TBL1X: variants seen among roughly 807,000 people sequenced by gnomAD.
TBL1X encodes F-box-like/WD repeat-containing protein TBL1X.
Under a neutral mutation model 50.7 loss-of-function variants are expected in TBL1X, and 10 were observed. The ratio of observed to expected loss-of-function variants is 0.20; its 90% CI spans 0.12 to 0.33. TBL1X has a LOEUF of 0.33. Ranked by LOEUF, TBL1X falls within the 10% of genes least tolerant of loss-of-function variation. The pLI, the probability that TBL1X is intolerant of heterozygous loss-of-function variation, is 1.00. For synonymous variants in TBL1X, 190 were observed against 214.7 expected, an observed-to-expected ratio of 0.88 and a Z score of 1.01; for missense variants, 340 against 504.4, an observed-to-expected ratio of 0.67 and a Z score of 3.12.
At chrX:9,502,567 G>A (rs12686963) in intron 2 of TBL1X, among the ~76,000 whole-genome samples, 15,575 of 111,767 alleles carry the variant, frequency 0.14, 834 homozygotes, top group South Asian at 0.29. Flanking sequence ...CAGCTGGCAA[G>A]GAGCAGAGCT....
At chrX:9,595,107 C>T (rs770972584) in intron 2 of TBL1X, among the ~76,000 whole-genome samples, 3 of 112,159 alleles carry the variant, frequency 2.7e-5, no homozygotes, top group East Asian at 2.8e-4. Context: ...GCAGAGCCAG[C>T]GCCACTGTGC....
intron 11 of TBL1X, 22 bp from the exon 12 acceptor site, chrX:9,697,347 T>C: frequency 8.3e-7 from 1 of 1,206,966 alleles, no homozygotes; most frequent in Non-Finnish European, 1.1e-6. Flanking sequence ...TACTAACTTT[T>C]TCCTTTGTTT....
In TBL1X at chrX:9,717,216, T is replaced by A. The variant is rs1424786194; in HGVS notation, c.*970T>A. ...GGGCTTTTTACAGGAGAAAAAAAAA[T>A]GACTTATAAGAGAAAGAGCCTGGAG... On this transcript the variant is annotated 3_prime_UTR_variant, in exon 18 of 18. Transcript: ENST00000645353. 4 of 109,126 alleles carry A rather than the reference T, an allele frequency of 3.7e-5. No individual in the cohort carries two copies. Among genetic ancestry groups the A allele is most frequent in the African/African-American group, 1.3e-4 (4 of 29,853 alleles). The allele number at this position is 109,126 out of a possible 1,213,427, so 9.0% of individuals were successfully genotyped here.
chrX:9,557,933 G>T (rs2082308227), intron 2 of TBL1X, among the ~76,000 whole-genome samples: 1 of 112,331 alleles, frequency 8.9e-6, no homozygotes, highest in South Asian at 3.6e-4. Context: ...AGTCAAATCT[G>T]TGAAACAATT....
intron 2 of TBL1X, among the ~76,000 whole-genome samples, chrX:9,561,093 A>G (rs1569056099): frequency 1.8e-5 from 2 of 111,716 alleles, no homozygotes; most frequent in Non-Finnish European, 1.9e-5. Flanking sequence ...TGTGTAGGCT[A>G]GAACAGAATT....
intron 1 of TBL1X, among the ~76,000 whole-genome samples, chrX:9,476,020 C>G (rs2081847614): frequency 8.9e-6 from 1 of 112,194 alleles, no homozygotes; most frequent in African/African-American, 3.2e-5. Flanking sequence ...TCATCAGAAT[C>G]TATGTAGACC....
At chrX:9,490,384 T>C (rs985043259) in intron 1 of TBL1X, among the ~76,000 whole-genome samples, 2 of 111,897 alleles carry the variant, frequency 1.8e-5, no homozygotes, top group South Asian at 7.4e-4. Context: ...GAAACACTTT[T>C]GCGTTTCACA....
intron 1 of TBL1X, among the ~76,000 whole-genome samples, chrX:9,468,570 C>A (rs1404959576): frequency 1.8e-5 from 2 of 111,228 alleles, no homozygotes; most frequent in Non-Finnish European, 3.8e-5. Flanking sequence ...CCAAGCCCTG[C>A]CTGGTCATGG....
chrX:9,691,771 C>T, intron 8 of TBL1X, 60 bp downstream of exon 8: 2 of 1,182,592 alleles, frequency 1.7e-6, no homozygotes, highest in South Asian at 1.9e-5. Context: ...GCAAGCTGCT[C>T]GCCCTTCTCT....
rs113846367 is a variant in TBL1X at position 9,604,408 on chromosome X, C to CT, written c.-130-35855dup. Among the ~76,000 whole-genome samples, 392 of 108,306 alleles carry CT rather than the reference C, an allele frequency of 3.6e-3. 3 individuals are homozygous for CT. Among genetic ancestry groups the CT allele is most frequent in the African/African-American group, 0.012 (357 of 29,904 alleles). The allele number at this position is 108,306 out of a possible 115,157, so 94.1% of individuals were successfully genotyped here. On this transcript the variant is annotated intron_variant, in intron 2 of 17. Transcript: ENST00000645353. ...AGACTTTTTATTTCACTTTCCCCCC[C>CT]TTTTTTTTTTGCCAGTGGACTGCCA...
chrX:9,690,452 G>A (rs1159994220), intron 7 of TBL1X, among the ~76,000 whole-genome samples: 2 of 111,009 alleles, frequency 1.8e-5, no homozygotes, highest in Admixed American at 9.6e-5. Context: ...TTGTGTCTGT[G>A]TCCTGATCTC....
At chrX:9,508,774 C>A (rs1024318488) in intron 2 of TBL1X, among the ~76,000 whole-genome samples, 1 of 111,696 alleles carries the variant, frequency 9.0e-6, no homozygotes, top group Non-Finnish European at 1.9e-5. Context: ...GGAATGAGAT[C>A]ATGTCCTTTG....
intron 2 of TBL1X, among the ~76,000 whole-genome samples, chrX:9,583,829 A>G (rs2082454519): frequency 8.9e-6 from 1 of 112,251 alleles, no homozygotes; most frequent in African/African-American, 3.2e-5. Context: ...AAATAATACT[A>G]GGTACTAGCA....
chrX:9,602,409 G>C (rs1229934091), intron 2 of TBL1X, among the ~76,000 whole-genome samples: 1 of 109,821 alleles, frequency 9.1e-6, no homozygotes, highest in African/African-American at 3.3e-5. Flanking sequence ...CTTGCCGCCA[G>C]TGTTCTGGTT....
At chrX:9,620,312 C>T (rs755189795) in intron 2 of TBL1X, among the ~76,000 whole-genome samples, 5 of 112,290 alleles carry the variant, frequency 4.5e-5, no homozygotes, top group Non-Finnish European at 7.5e-5. Context: ...TATATTTATC[C>T]GGGAACTCAT....
intron 2 of TBL1X, among the ~76,000 whole-genome samples, chrX:9,556,024 CA>C (rs1367690559): frequency 1.1e-4 from 12 of 106,085 alleles, no homozygotes; most frequent in African/African-American, 4.1e-4. Context: ...CTCATCTCCA[CA>C]AAAAAATACA....
intron 2 of TBL1X, among the ~76,000 whole-genome samples, chrX:9,607,673 C>G (rs145681983): frequency 8.5e-4 from 96 of 113,040 alleles, no homozygotes; most frequent in African/African-American, 2.9e-3. Context: ...CTCACCTTCC[C>G]TGCTTTCCAA....
At chrX:9,565,554 C>G (rs1267841539) in intron 2 of TBL1X, among the ~76,000 whole-genome samples, 1 of 111,141 alleles carries the variant, frequency 9.0e-6, no homozygotes. Flanking sequence ...TCTGGCCAGG[C>G]ATGGTGGCTT....
chrX:9,634,760 G>A lies in TBL1X; in HGVS notation c.-130-5513G>A, dbSNP rs142529122. 1.6e-3 allele frequency among the ~76,000 whole-genome samples: 176 copies of A among 111,504 alleles called. 1 individual carries two copies. The highest frequency in any genetic ancestry group is 2.6e-3 in the Non-Finnish European group (137 of 53,106). On this transcript the variant is annotated intron_variant, in intron 2 of 17. Coordinates refer to ENST00000645353, the MANE Select transcript of TBL1X (RefSeq NM_005647.4). ...ACATCTACTAAACAGCCTGAGAAAC[G>A]GCACTCTGAAGAGCATGCCTTGGCA...
Sources: gnomAD v4.1 joint callset for allele counts (sites outside exome capture counted in the v4.1 genomes callset) on GRCh38, gnomAD v4.1.1 for gene constraint, MANE v1.5 for transcripts, NCBI Gene and HGNC (gene_info 2026-07-23, HGNC 2026-07-21) for gene names.